ZSCAN32: variants seen among roughly 807,000 people sequenced by gnomAD.
ZSCAN32 encodes the protein zinc finger and SCAN domain containing 32, also known as zinc finger and SCAN domain-containing protein 32.
ZSCAN32 carries 52 observed loss-of-function variants against 47.4 expected under a neutral mutation model. The observed-to-expected ratio is 1.10, with a 90% CI of 0.88 to 1.38. The LOEUF (loss-of-function observed/expected upper bound fraction) is 1.38, where lower values mean the gene tolerates loss of function less well. ZSCAN32 is among the 40% of genes most tolerant of loss of function. The pLI is 0.00. For synonymous variants in ZSCAN32, 346 were observed against 305.7 expected (o/e 1.13, Z -1.38); for missense variants, 959 against 846.0 (o/e 1.13, Z -1.66).
At chr16:3,385,221 G>A (rs1395499176) in intron 5 of ZSCAN32, among the ~76,000 whole-genome samples, 2 of 152,128 alleles carry the variant, frequency 1.3e-5, no homozygotes, top group Non-Finnish European at 2.9e-5. Flanking sequence ...AGCTACTCAG[G>A]AGGCTGAGGA....
In ZSCAN32 at chr16:3,383,423, T is replaced by C; in HGVS notation, c.1523A>G (p.His508Arg). ...LCGKNCSQSVHSPHKPALKLE... is the reference protein window; with the variant it reads ...LCGKNCSQSVRSPHKPALKLE... ...TTTGAGCGCTGGCTTGTGGGGAGAGTGCACACTCTGAGAGCAGTTTTTCCC... is the reference window on the plus strand; with the variant it reads ...TTTGAGCGCTGGCTTGTGGGGAGAGCGCACACTCTGAGAGCAGTTTTTCCC... The change falls in exon 7 of 7, where the codon CAC (histidine) becomes CGC (arginine). Residue 508 changes from histidine to arginine, a missense_variant. Coordinates refer to ENST00000396852, the MANE Select transcript of ZSCAN32 (RefSeq NM_001284527.2). The C allele has an allele frequency of 6.8e-6, 11 of 1,613,944 alleles. No individual in the cohort carries two copies. The highest frequency in any genetic ancestry group is 9.3e-6 in the Non-Finnish European group (11 of 1,179,994).
At chr16:3,384,164 AG>A (rs1027036490) in intron 6 of ZSCAN32, 1 of 535,002 alleles carries the variant, frequency 1.9e-6, no homozygotes, top group African/African-American at 1.9e-5. Context: ...CTAGAGAAAA[AG>A]GGAGAAGATG....
At chr16:3,400,336 AGGACTAGAACC>A (rs2033772594) in intron 1 of ZSCAN32, among the ~76,000 whole-genome samples, 1 of 152,216 alleles carries the variant, frequency 6.6e-6, no homozygotes, top group Non-Finnish European at 1.5e-5. Flanking sequence ...CAGCAAGGCC[AGGACTAGAACC>A]AGCACCCCTT....
At chr16:3,396,325 CT>C (rs1159734944) in intron 2 of ZSCAN32, among the ~76,000 whole-genome samples, 1 of 152,164 alleles carries the variant, frequency 6.6e-6, no homozygotes, top group Non-Finnish European at 1.5e-5. Flanking sequence ...CTCTTCAATC[CT>C]ACCAAATTTC....
intron 5 of ZSCAN32, 93 bp downstream of exon 5, chr16:3,389,917 C>T (rs1370511263): frequency 1.5e-6 from 2 of 1,315,776 alleles, no homozygotes; most frequent in Non-Finnish European, 2.1e-6. Context: ...ACAGTCTCCC[C>T]ACTCCCTCTG....
intron 5 of ZSCAN32, 79 bp downstream of exon 5, chr16:3,389,931 C>G: frequency 7.1e-7 from 1 of 1,416,624 alleles, no homozygotes; most frequent in South Asian, 1.4e-5. Flanking sequence ...CCCTCTGTCT[C>G]CCTCCCTCTC....
rs1040737833 is a variant in ZSCAN32 at position 3,389,696 on chromosome 16, T to A, written c.751+314A>T. 3.9e-5 allele frequency among the ~76,000 whole-genome samples: 6 copies of A among 152,152 alleles called. No homozygotes were observed. The South Asian group carries it at 1.2e-3, about 31-fold the overall frequency. ...TGAGCGCACATTCAGCATGAACACATCTGTGCTCCTGGTGGCCACCTGTCT... is the reference window on the plus strand; with the variant it reads ...TGAGCGCACATTCAGCATGAACACAACTGTGCTCCTGGTGGCCACCTGTCT... On this transcript the variant is annotated intron_variant, in intron 5 of 6. Transcript: ENST00000396852.
intron 3 of ZSCAN32, among the ~76,000 whole-genome samples, 196 bp downstream of exon 3, chr16:3,393,453 T>G (rs1193709193): frequency 1.3e-5 from 2 of 150,034 alleles, no homozygotes; most frequent in Non-Finnish European, 3.0e-5. Context: ...CTCGAACTCC[T>G]GACCTCAGGT....
At chr16:3,398,752 A>T (rs116062249) in intron 1 of ZSCAN32, among the ~76,000 whole-genome samples, 1 of 151,916 alleles carries the variant, frequency 6.6e-6, no homozygotes, top group Non-Finnish European at 1.5e-5. Context: ...CATGTTCCCA[A>T]TTGCTACCCT....
At position 3,383,147 on chromosome 16, in the gene ZSCAN32, G is replaced by A; in HGVS notation, c.1799C>T (p.Thr600Ile). The change falls in exon 7 of 7, where the codon ACC (threonine) becomes ATC (isoleucine). Residue 600 changes from threonine (T) to isoleucine (I), a missense_variant. Thr to Ile is a moderately conservative substitution (Grantham distance 89). Coordinates refer to ENST00000396852, the MANE Select transcript of ZSCAN32 (RefSeq NM_001284527.2). Reference sequence around the variant, plus strand: ...AATGCACTGGTAAGGCTTTTCCCCGGTATGGGTCCTCTGGTGGACAATGAG... The same window carrying A: ...AATGCACTGGTAAGGCTTTTCCCCGATATGGGTCCTCTGGTGGACAATGAG... ...SSLIVHQRTHTGEKPYQCIVC... is the reference protein window; with the variant it reads ...SSLIVHQRTHIGEKPYQCIVC... 6.2e-7 allele frequency: 1 copy of A among 1,614,178 alleles called. No homozygotes were observed. The highest frequency in any genetic ancestry group is 1.1e-5 in the South Asian group (1 of 91,086).
At chr16:3,390,227 G>A (rs906551501) in intron 4 of ZSCAN32, 94 bp from the exon 5 acceptor site, 1 of 1,482,392 alleles carries the variant, frequency 6.7e-7, no homozygotes, top group Non-Finnish European at 9.0e-7. Context: ...CAGATCAGGG[G>A]CAAGGCAAAG....
intron 3 of ZSCAN32, among the ~76,000 whole-genome samples, chr16:3,391,451 G>A (rs1382959649): frequency 6.6e-6 from 1 of 152,122 alleles, no homozygotes; most frequent in Non-Finnish European, 1.5e-5. Context: ...GCCGAGGCAG[G>A]CAGATCACCT....
intron 2 of ZSCAN32, 40 bp downstream of exon 2, chr16:3,397,152 T>C (rs1414261636): frequency 6.8e-7 from 1 of 1,476,154 alleles, no homozygotes; most frequent in African/African-American, 1.4e-5. Flanking sequence ...CCCGACAACT[T>C]CATAACCAAA....
intron 1 of ZSCAN32, among the ~76,000 whole-genome samples, chr16:3,399,221 CA>C (rs963046954): frequency 2.0e-5 from 3 of 151,780 alleles, no homozygotes; most frequent in Admixed American, 6.6e-5. Context: ...GAGACTGTCT[CA>C]AAAAAAGAAA....
intron 5 of ZSCAN32, among the ~76,000 whole-genome samples, chr16:3,387,622 C>T (rs956464479): frequency 1.3e-5 from 2 of 152,190 alleles, no homozygotes; most frequent in African/African-American, 4.8e-5. Context: ...TCTTGTCACC[C>T]CCTCTTCTCC....
In ZSCAN32 at chr16:3,384,633, G is replaced by A. The variant is rs2031714242; in HGVS notation, c.1060C>T (p.Pro354Ser). 6.2e-7 allele frequency: 1 copy of A among 1,614,028 alleles called. No individual in the cohort carries two copies. The highest frequency in any genetic ancestry group is 1.3e-5 in the African/African-American group (1 of 74,904). ...SAPPMASDAVPGQEGSDIEAG... is the reference protein window; with the variant it reads ...SAPPMASDAVSGQEGSDIEAG... ...TCAATATCACTTCCTTCTTGGCCAG[G>A]AACAGCATCGCTTGCCATAGGAGGT... Residue 354 changes from proline (P) to serine (S), a missense_variant, in exon 6 of 7, where the codon CCT (proline) becomes TCT (serine). Transcript: ENST00000396852.
rs556885270 is a variant in ZSCAN32, at chr16:3,399,363, T to C, written c.-188+1582A>G. Among the ~76,000 whole-genome samples the C allele has an allele frequency of 5.9e-5, 9 of 152,240 alleles. No homozygotes were observed. In the South Asian group the frequency reaches 1.9e-3, roughly 32 times the overall value. On this transcript the variant is annotated intron_variant, in intron 1 of 6. Transcript: ENST00000396852. ...TTTACATGAGAGGTAGGGAAAGCTC[T>C]TCATTTTCTAGGAATTGGTAAATTG...
intron 6 of ZSCAN32, 68 bp downstream of exon 6, chr16:3,384,391 C>T (rs748945192): frequency 6.3e-7 from 1 of 1,589,542 alleles, no homozygotes; most frequent in Admixed American, 1.7e-5. Context: ...TCCTACTCAA[C>T]TGCTAGGCTA....
At chr16:3,386,195 C>T (rs1272708885) in intron 5 of ZSCAN32, among the ~76,000 whole-genome samples, 1 of 152,184 alleles carries the variant, frequency 6.6e-6, no homozygotes, top group Non-Finnish European at 1.5e-5. Flanking sequence ...AAAAAATGCT[C>T]ATCATCACTG....
Sources: gnomAD v4.1 joint callset for allele counts (sites outside exome capture counted in the v4.1 genomes callset) on GRCh38, gnomAD v4.1.1 for gene constraint, MANE v1.5 for transcripts, NCBI Gene and HGNC (gene_info 2026-07-23, HGNC 2026-07-21) for gene names.